MCC: variants seen among roughly 807,000 people sequenced by gnomAD.
MCC encodes MCC regulator of Wnt signaling pathway, also known as colorectal mutant cancer protein.
MCC carries 90 observed loss-of-function variants against 116.2 expected under a neutral mutation model. The ratio of observed to expected loss-of-function variants is 0.77; its 90% CI spans 0.65 to 0.92. The LOEUF (loss-of-function observed/expected upper bound fraction) is 0.92. Among genes scored for constraint, MCC ranks in the 40% least tolerant of loss-of-function variants. The pLI, the probability that MCC is intolerant of heterozygous loss-of-function variation, is 0.00. For missense variants in MCC, 1,516 were observed against 1,312.2 expected (o/e 1.16, Z -2.40); for synonymous variants, 578 against 510.5 (o/e 1.13, Z -1.78).
At chr5:113,315,868 A>T (rs1217703636) in intron 3 of MCC, among the ~76,000 whole-genome samples, 1 of 151,918 alleles carries the variant, frequency 6.6e-6, no homozygotes, top group African/African-American at 2.4e-5. Flanking sequence ...ACAGAGTGAG[A>T]CCCTGTCTCA....
At chr5:113,103,204 T>G (rs190434368) in intron 7 of MCC, among the ~76,000 whole-genome samples, 2 of 152,200 alleles carry the variant, frequency 1.3e-5, no homozygotes, top group Non-Finnish European at 2.9e-5. Context: ...ACATCACTCT[T>G]GGATGCTCAT....
At chr5:113,343,443 C>A (rs1449761562) in intron 2 of MCC, among the ~76,000 whole-genome samples, 2 of 152,204 alleles carry the variant, frequency 1.3e-5, no homozygotes, top group Admixed American at 6.5e-5. Flanking sequence ...TCCCCTTGTT[C>A]CTCTGAACAC....
chr5:113,410,423 T>C (rs1183114453), intron 1 of MCC, among the ~76,000 whole-genome samples: 1 of 152,208 alleles, frequency 6.6e-6, no homozygotes, highest in Non-Finnish European at 1.5e-5. Flanking sequence ...TAAACATTGT[T>C]GAACACTTGT....
chr5:113,285,015 C>G (rs1052964893), intron 3 of MCC, among the ~76,000 whole-genome samples: 1 of 152,230 alleles, frequency 6.6e-6, no homozygotes, highest in Non-Finnish European at 1.5e-5. Context: ...ATTTTCAAAT[C>G]ATTCTTGGCC....
intron 3 of MCC, among the ~76,000 whole-genome samples, chr5:113,243,444 C>T (rs1009077912): frequency 3.9e-5 from 6 of 152,198 alleles, no homozygotes; most frequent in Non-Finnish European, 8.8e-5. Flanking sequence ...ACCTTGACCA[C>T]ATTCCCTAAA....
Position 113,450,165 on chromosome 5 carries a change from G to A in MCC, c.170+38080C>T, listed in dbSNP as rs1258571971. Among the ~76,000 whole-genome samples the A allele has an allele frequency of 3.9e-5, 6 of 152,260 alleles. No homozygotes were observed. In the East Asian group the frequency reaches 7.7e-4, roughly 20 times the overall value. Reference sequence around the variant, plus strand: ...AATTCTTTCATTTGACTCTCTCCTGGAGTTAGGGTGGAAGTTCACAGTTAA... The same window carrying A: ...AATTCTTTCATTTGACTCTCTCCTGAAGTTAGGGTGGAAGTTCACAGTTAA... On this transcript the variant is annotated intron_variant, in intron 1 of 18. Coordinates refer to ENST00000408903, the MANE Select transcript of MCC (RefSeq NM_001085377.2).
intron 3 of MCC, among the ~76,000 whole-genome samples, chr5:113,247,208 A>T (rs1476082579): frequency 6.6e-6 from 1 of 152,244 alleles, no homozygotes; most frequent in Non-Finnish European, 1.5e-5. Context: ...TCCTACAGGA[A>T]TCCAGAAGTG....
intron 3 of MCC, among the ~76,000 whole-genome samples, chr5:113,187,260 CA>C (rs977223264): frequency 1.8e-4 from 28 of 152,324 alleles, no homozygotes; most frequent in Admixed American, 1.5e-3. Flanking sequence ...AAGCATGCGC[CA>C]CCATGCCCAG....
intron 5 of MCC, among the ~76,000 whole-genome samples, chr5:113,137,716 A>C (rs1379210528): frequency 6.6e-6 from 1 of 152,076 alleles, no homozygotes; most frequent in African/African-American, 2.4e-5. Flanking sequence ...AGAAGCAACA[A>C]CTTTTTAAGT....
intron 8 of MCC, among the ~76,000 whole-genome samples, chr5:113,095,397 T>G (rs748023029): frequency 2.4e-4 from 37 of 152,186 alleles, no homozygotes; most frequent in Non-Finnish European, 5.0e-4. Context: ...CTAAAAAGGG[T>G]ATAATAATAG....
chr5:113,087,508 T>C (rs892413994), intron 8 of MCC, among the ~76,000 whole-genome samples: 4 of 152,204 alleles, frequency 2.6e-5, no homozygotes, highest in African/African-American at 9.6e-5. Flanking sequence ...CAGGGGTGGA[T>C]ACCTCATTAT....
chr5:113,206,491 T>C (rs1762915021), intron 3 of MCC, among the ~76,000 whole-genome samples: 1 of 152,048 alleles, frequency 6.6e-6, no homozygotes, highest in Non-Finnish European at 1.5e-5. Context: ...GAGGCAGGCC[T>C]CCCACTTGAG....
chr5:113,139,730 T>C (rs1158199345), intron 5 of MCC, among the ~76,000 whole-genome samples: 1 of 152,176 alleles, frequency 6.6e-6, no homozygotes, highest in Non-Finnish European at 1.5e-5. Flanking sequence ...GACATACCAT[T>C]TGACCTAGCA....
intron 2 of MCC, among the ~76,000 whole-genome samples, chr5:113,354,363 A>G (rs1170019716): frequency 6.6e-6 from 1 of 152,216 alleles, no homozygotes; most frequent in African/African-American, 2.4e-5. Flanking sequence ...GTGAATTACA[A>G]GAACAGAGTT....
chr5:113,310,044 G>C (rs1767099744), intron 3 of MCC, among the ~76,000 whole-genome samples: 2 of 152,044 alleles, frequency 1.3e-5, no homozygotes, highest in South Asian at 2.1e-4. Flanking sequence ...CAGTTATAAG[G>C]AATACACGAT....
intron 3 of MCC, among the ~76,000 whole-genome samples, chr5:113,176,443 A>G (rs1038154222): frequency 2.0e-5 from 3 of 152,216 alleles, no homozygotes; most frequent in African/African-American, 7.2e-5. Flanking sequence ...TTCTCAGGAA[A>G]AGACATCTAC....
intron 16 of MCC, among the ~76,000 whole-genome samples, chr5:113,047,179 G>A (rs1048766751): frequency 6.6e-6 from 1 of 152,212 alleles, no homozygotes; most frequent in African/African-American, 2.4e-5. Flanking sequence ...ATGGTGCTAA[G>A]AATTCAGCCT....
chr5:113,128,093 G>A (rs1240446766), intron 5 of MCC, among the ~76,000 whole-genome samples: 1 of 152,232 alleles, frequency 6.6e-6, no homozygotes, highest in Non-Finnish European at 1.5e-5. Context: ...GTCAATGGAA[G>A]TATAATTCTT....
chr5:113,288,616 C>A (rs1231818503), intron 3 of MCC, among the ~76,000 whole-genome samples: 3 of 152,302 alleles, frequency 2.0e-5, no homozygotes, highest in Middle Eastern at 3.4e-3. Flanking sequence ...ATCAAAATAT[C>A]TGGGTATTGC....
Sources: allele counts gnomAD v4.1 joint callset (sites outside exome capture counted in the v4.1 genomes callset), GRCh38; gene constraint gnomAD v4.1.1; transcripts MANE v1.5; gene names NCBI Gene and HGNC (gene_info 2026-07-23, HGNC 2026-07-21).